Variants in DLG5 observed in about 807,000 individuals in gnomAD.
The protein encoded by DLG5 is disks large homolog 5.
Under a neutral mutation model 189.8 loss-of-function variants are expected in DLG5, and 48 were observed. That is an observed-to-expected ratio of 0.25 (90% CI 0.20 to 0.32). DLG5 has a LOEUF of 0.32. Among genes scored for constraint, DLG5 ranks in the 10% least tolerant of loss-of-function variants. DLG5 has a pLI of 1.00. For missense variants in DLG5, 2,160 were observed against 2,544.7 expected (o/e 0.85, Z 3.25); for synonymous variants, 1,016 against 1,054.1 (o/e 0.96, Z 0.70).
At chr10:77,891,834 C>T (rs1191617176) in intron 1 of DLG5, among the ~76,000 whole-genome samples, 5 of 152,168 alleles carry the variant, frequency 3.3e-5, no homozygotes, top group East Asian at 1.9e-4. Context: ...ACACTGACTC[C>T]GGAGCCATCC....
chr10:77,924,054 G>A (rs900323750), intron 1 of DLG5, among the ~76,000 whole-genome samples: 2 of 151,962 alleles, frequency 1.3e-5, no homozygotes, highest in African/African-American at 4.8e-5. Context: ...TATTAGAGAC[G>A]GGGTTTCACC....
the DLG5 span, among the ~76,000 whole-genome samples, chr10:77,932,669 GAGA>G: frequency 6.6e-6 from 1 of 152,176 alleles, no homozygotes; most frequent in Admixed American, 6.5e-5. Flanking sequence ...AGCAAAATGA[GAGA>G]AGGTCACAAA....
At chr10:77,854,722 G>A (rs1432124802) in intron 3 of DLG5, among the ~76,000 whole-genome samples, 1 of 152,024 alleles carries the variant, frequency 6.6e-6, no homozygotes, top group Non-Finnish European at 1.5e-5. Context: ...GTGACAGCTC[G>A]TGCCTGTAAT....
Position 77,926,412 on chromosome 10 carries a change from T to A in DLG5, c.109A>T (p.Ser37Cys), listed in dbSNP as rs1161500117. The A allele has an allele frequency of 6.3e-7, 1 of 1,583,978 alleles. No individual in the cohort carries two copies. Among genetic ancestry groups the A allele is most frequent in the Non-Finnish European group, 8.6e-7 (1 of 1,167,580 alleles). ...LGLLEAAGAL[S>C]PGERRQLDEE... ...TCCAGCTGCCGCCGCTCGCCGGGAC[T>A]GAGCGCTCCCGCGGCCTCGAGCAGC... Residue 37 changes from serine (S) to cysteine (C), a missense_variant, in exon 1 of 32, where the codon AGT (serine) becomes TGT (cysteine). Ser to Cys is a moderately radical substitution (Grantham distance 112, BLOSUM62 -1). Transcript: ENST00000372391. The surrounding 1 kb of genome is among the most constrained non-coding windows in gnomAD (Gnocchi z 5.2).
chr10:77,919,584 CTTTTTTTTTTTTTTTTT>C (rs71030919), intron 1 of DLG5, among the ~76,000 whole-genome samples: 1 of 67,734 alleles, frequency 1.5e-5, no homozygotes, highest in African/African-American at 4.8e-5. Flanking sequence ...CAGTTCAGGG[CTTTTTTTTTTTTTTTTT>C]TTTTTTTTTT....
intron 20 of DLG5, among the ~76,000 whole-genome samples, chr10:77,815,124 A>T (rs184505025): frequency 1.3e-5 from 2 of 151,938 alleles, no homozygotes; most frequent in East Asian, 3.9e-4. Context: ...GGCCTTTTCC[A>T]CAACTGAAGA....
At chr10:77,900,615 C>T (rs577116574) in intron 1 of DLG5, among the ~76,000 whole-genome samples, 8 of 152,180 alleles carry the variant, frequency 5.3e-5, no homozygotes, top group East Asian at 3.9e-4. Context: ...GCCTGGCCAA[C>T]GTGGTGAAAC....
At chr10:77,936,572 A>T in the DLG5 span, among the ~76,000 whole-genome samples, 1 of 152,204 alleles carries the variant, frequency 6.6e-6, no homozygotes, top group African/African-American at 2.4e-5. Flanking sequence ...ACCTCAGATT[A>T]ATCCTTAGAA....
intron 2 of DLG5, chr10:77,867,963 T>C (rs1371357507): frequency 1.3e-5 from 6 of 456,540 alleles, no homozygotes; most frequent in African/African-American, 2.0e-5. Flanking sequence ...GAGAACATCA[T>C]GTGAACACAA....
rs771526341 is a variant in DLG5 at position 77,819,351 on chromosome 10, C to T, written c.3641G>A (p.Arg1214Gln). 4.3e-6 allele frequency: 7 copies of T among 1,614,074 alleles called. No homozygotes were observed. The highest frequency in any genetic ancestry group is 5.9e-6 in the Non-Finnish European group (7 of 1,180,010). ...VGPCSSPPAA[R>Q]DAGPQGLHPS... ...ATGCAAACCCTGGGGGCCAGCATCT[C>T]GGGCCGCAGGTGGAGAGCTGCAGGG... Residue 1214 changes from arginine to glutamine, a missense_variant, in exon 17 of 32, where the codon CGA becomes CAA. Coordinates refer to ENST00000372391, the MANE Select transcript of DLG5 (RefSeq NM_004747.4).
chr10:77,878,258 T>C (rs1845167472), intron 1 of DLG5, among the ~76,000 whole-genome samples: 1 of 152,254 alleles, frequency 6.6e-6, no homozygotes, highest in Non-Finnish European at 1.5e-5. Context: ...ACTCACCAGC[T>C]GTGTGACCTC....
chr10:77,829,116 C>A, intron 12 of DLG5, 131 bp from the exon 13 acceptor site: 4 of 1,081,564 alleles, frequency 3.7e-6, no homozygotes, highest in Non-Finnish European at 5.4e-6. Context: ...TACGCCTGCA[C>A]CCTGCCCCAG....
In DLG5 at chr10:77,796,242, C is replaced by A. The variant is rs1840916121; in HGVS notation, c.5309-54G>T. 2 of 1,612,630 alleles carry A rather than the reference C, an allele frequency of 1.2e-6. No individual in the cohort carries two copies. Among genetic ancestry groups the A allele is most frequent in the Admixed American group, 1.7e-5 (1 of 59,978 alleles). ...AGCCCCAGGCCCTGCTGAGCCCCAG[C>A]AGAGGGAGCAGGGGAAGAACACTGC... On this transcript the variant is annotated intron_variant, in intron 28 of 31. Coordinates refer to ENST00000372391, the MANE Select transcript of DLG5 (RefSeq NM_004747.4). The surrounding 1 kb of genome is among the most constrained non-coding windows in gnomAD (Gnocchi z 5.2).
At chr10:77,892,780 T>C (rs2154577663) in intron 1 of DLG5, among the ~76,000 whole-genome samples, 1 of 152,314 alleles carries the variant, frequency 6.6e-6, no homozygotes, top group East Asian at 1.9e-4. Flanking sequence ...TACGTGTACA[T>C]GATAAATATA....
At chr10:77,819,735 A>T in intron 16 of DLG5, 160 bp downstream of exon 16, 3 of 1,284,770 alleles carry the variant, frequency 2.3e-6, no homozygotes, top group Non-Finnish European at 3.2e-6. Flanking sequence ...CATGGCTATA[A>T]GACAAACCAT....
At chr10:77,820,112 G>A (rs1192088182) in intron 15 of DLG5, 94 bp from the exon 16 acceptor site, 22 of 1,529,660 alleles carry the variant, frequency 1.4e-5, no homozygotes, top group Non-Finnish European at 1.8e-5. Context: ...CTGGGAGGCC[G>A]AGGCGGGCAG....
intron 7 of DLG5, among the ~76,000 whole-genome samples, chr10:77,837,396 T>A (rs1473957038): frequency 6.6e-6 from 1 of 152,112 alleles, no homozygotes; most frequent in Non-Finnish European, 1.5e-5. Flanking sequence ...TAGATGAGCA[T>A]CTAGGAGGGA....
chr10:77,892,466 C>G (rs1326316695), intron 1 of DLG5, among the ~76,000 whole-genome samples: 1 of 152,160 alleles, frequency 6.6e-6, no homozygotes, highest in Non-Finnish European at 1.5e-5. Flanking sequence ...TGTAAGACAG[C>G]ACAGTTATCA....
chr10:77,842,295 A>C (rs1461744524), intron 6 of DLG5, 102 bp from the exon 7 acceptor site: 4 of 1,393,590 alleles, frequency 2.9e-6, no homozygotes, highest in Non-Finnish European at 3.9e-6. Context: ...CTGGACAGTC[A>C]AGCGTGAAGT....
Sources: allele counts gnomAD v4.1 joint callset (sites outside exome capture counted in the v4.1 genomes callset), GRCh38; gene constraint gnomAD v4.1.1; non-coding constraint Gnocchi (gnomAD v3.1); transcripts MANE v1.5; gene names NCBI Gene and HGNC (gene_info 2026-07-23, HGNC 2026-07-21).